GPR37L1: variants seen among roughly 807,000 people sequenced by gnomAD.
The protein encoded by GPR37L1 is G protein-coupled receptor 37 like 1, also known as G protein-coupled receptor 37-like 1.
GPR37L1 carries 18 observed loss-of-function variants against 18.0 expected under a neutral mutation model. The observed-to-expected ratio is 1.00, with a 90% confidence interval of 0.69 to 1.49. GPR37L1 has a LOEUF of 1.49. Ranked by LOEUF, GPR37L1 falls within the 40% of genes most tolerant of loss-of-function variation. The probability of loss-of-function intolerance (pLI) is 0.00; values close to 1 mark genes in which losing one functional copy is unlikely to be tolerated. For synonymous variants in GPR37L1, 256 were observed against 273.9 expected, an observed-to-expected ratio of 0.93 and a Z score of 0.65; for missense variants, 558 against 615.1, an observed-to-expected ratio of 0.91 and a Z score of 0.98.
At position 202,128,542 on chromosome 1, in the gene GPR37L1, G is replaced by T; in HGVS notation, c.1432G>T (p.Gly478Cys). The change falls in exon 2 of 2, where the codon GGC (glycine) becomes TGC (cysteine). Residue 478 changes from glycine (G) to cysteine (C), a missense_variant. By Grantham distance (159) the Gly-to-Cys change is radical. Coordinates refer to ENST00000367282, the MANE Select transcript of GPR37L1 (RefSeq NM_004767.5). ...GGAGTCACCCCCACTCCTGCCCCTG[G>T]GCACACCTTGCTGAGGCCCCAGTAG... ...PRESPPLLPL[G>C]TPC The T allele has an allele frequency of 6.4e-7, 1 of 1,566,986 alleles. No homozygotes were observed. Among genetic ancestry groups the T allele is most frequent in the Non-Finnish European group, 8.7e-7 (1 of 1,154,214 alleles).
chr1:202,127,033 G>A (rs1654681580), intron 1 of GPR37L1, among the ~76,000 whole-genome samples: 1 of 152,114 alleles, frequency 6.6e-6, no homozygotes, highest in Non-Finnish European at 1.5e-5. Context: ...GGGTCTATGG[G>A]AGCCAGGCCA....
chr1:202,128,270 C>T lies in GPR37L1; in HGVS notation c.1160C>T (p.Thr387Ile), dbSNP rs770461543. The T allele has an allele frequency of 1.2e-6, 2 of 1,614,100 alleles. No homozygotes were observed. Among genetic ancestry groups the T allele is most frequent in the Admixed American group, 1.7e-5 (1 of 60,026 alleles). Residue 387 changes from threonine (T) to isoleucine (I), a missense_variant, in exon 2 of 2, where the codon ACC becomes ATC. By Grantham distance (89) the Thr-to-Ile change is moderately conservative. Coordinates refer to ENST00000367282, the MANE Select transcript of GPR37L1 (RefSeq NM_004767.5). The stretch of plus-strand genomic sequence containing the variant: ...AACATCGTGGTGGCCTACCTCTCCA[C>T]CGAGCTGACCCGCCAGACCCTGGAC... Reference protein sequence around the residue: ...VCNIVVAYLSTELTRQTLDLL... With the variant: ...VCNIVVAYLSIELTRQTLDLL...
chr1:202,123,618 C>T, intron 1 of GPR37L1, 25 bp downstream of exon 1: 1 of 1,534,692 alleles, frequency 6.5e-7, no homozygotes, highest in Non-Finnish European at 8.7e-7. Context: ...TGTTTGAGCT[C>T]TGCTGGGAGG....
rs567590167 is a variant in GPR37L1, at chr1:202,127,893, G to T, written c.783G>T (p.Thr261=). 1 of 1,613,624 alleles carries T rather than the reference G, an allele frequency of 6.2e-7. No individual in the cohort carries two copies. Among genetic ancestry groups the T allele is most frequent in the Non-Finnish European group, 8.5e-7 (1 of 1,179,974 alleles). The change falls in exon 2 of 2, where the codon ACG becomes ACT. Residue 261 remains threonine (T), a synonymous_variant. Coordinates refer to ENST00000367282, the MANE Select transcript of GPR37L1 (RefSeq NM_004767.5). ...KLAVIWVGSM[T]LAVPELLLWQ... ...CTGTCATCTGGGTGGGCTCCATGAC[G>T]CTGGCTGTGCCTGAGCTCCTGCTGT...
Position 202,123,307 on chromosome 1 carries a change from A to G in GPR37L1, c.344A>G (p.Gln115Arg), listed in dbSNP as rs1393664714. The change falls in exon 1 of 2, where the codon CAG becomes CGG. Residue 115 changes from glutamine (Q) to arginine (R), a missense_variant. By Grantham distance (43) the Gln-to-Arg change is conservative. Coordinates refer to ENST00000367282, the MANE Select transcript of GPR37L1 (RefSeq NM_004767.5). The part of the protein sequence containing the change: ...NLTGAPGQRL[Q>R]IQNPLYPVTE... ...ACAGGAGCACCAGGGCAGAGGCTAC[A>G]GATCCAGAACCCCCTGTATCCGGTG... The G allele has an allele frequency of 6.2e-7, 1 of 1,614,086 alleles. No individual in the cohort carries two copies. The highest frequency in any genetic ancestry group is 1.3e-5 in the African/African-American group (1 of 74,932).
rs1654762637 is a variant in GPR37L1 at position 202,129,075 on chromosome 1, G to A, written c.*519G>A. 7.1e-6 allele frequency: 1 copy of A among 140,146 alleles called. No homozygotes were observed. Among genetic ancestry groups the A allele is most frequent in the African/African-American group, 2.7e-5 (1 of 37,172 alleles). 8.7% of individuals were successfully genotyped at this position (140,146 alleles called of 1,614,324 possible). A position where few individuals can be genotyped will look rare whatever the true frequency, so the allele number is the denominator to read the frequency against. ...CCAGGCTGGAGTACATTTGCCTGAT[G>A]TCAGCTCCCTGCAACCTCCGCCTCC... On this transcript the variant is annotated 3_prime_UTR_variant, in exon 2 of 2. Transcript: ENST00000367282.
chr1:202,125,114 AAGATTGCGCAGCCTGGGTGAC>A (rs144009648), intron 1 of GPR37L1, among the ~76,000 whole-genome samples: 8,095 of 145,956 alleles, frequency 0.055, 375 homozygotes, highest in African/African-American at 0.12. Flanking sequence ...GCAGTGAGCC[AAGATTGCGCAGCCTGGGTGAC>A]AGAGTGAAAT....
At position 202,128,065 on chromosome 1, in the gene GPR37L1, TG is replaced by T. The variant is rs1558302376; in HGVS notation, c.956del (p.Cys319SerfsTer13). ...RMWWYFGCYF[C>X]LPILFTVTCQ... ...GTGGTGGTACTTTGGCTGCTACTTCTGCCTGCCCATCCTCTTCACAGTCACC... is the reference window on the plus strand; with the variant it reads ...GTGGTGGTACTTTGGCTGCTACTTCTCCTGCCCATCCTCTTCACAGTCACC... On this transcript the variant is annotated frameshift_variant, in exon 2 of 2. Transcript: ENST00000367282. LOFTEE classifies it low-confidence loss of function (END_TRUNC). 3.1e-6 allele frequency: 5 copies of T among 1,614,064 alleles called. No individual in the cohort carries two copies. Among genetic ancestry groups the T allele is most frequent in the Non-Finnish European group, 4.2e-6 (5 of 1,180,028 alleles).
chr1:202,124,087 C>G (rs138737556), intron 1 of GPR37L1, among the ~76,000 whole-genome samples: 2,833 of 152,312 alleles, frequency 0.019, 96 homozygotes, highest in African/African-American at 0.065. Flanking sequence ...TTCCTTCACA[C>G]CCCTCTGGAT....
At position 202,123,515 on chromosome 1, in the gene GPR37L1, C is replaced by T. The variant is rs1654566646; in HGVS notation, c.552C>T (p.Leu184=). ...LWDFLVLFFC[L]PIVIFNEITK... is the part of the protein sequence containing the mutation. ...ATTTTCTGGTCCTCTTTTTCTGCCT[C>T]CCTATTGTCATCTTCAACGAGATCA... Residue 184 remains leucine, a synonymous_variant, in exon 1 of 2, where the codon CTC becomes CTT. Transcript: ENST00000367282. The T allele has an allele frequency of 6.2e-7, 1 of 1,613,618 alleles. No homozygotes were observed. Among genetic ancestry groups the T allele is most frequent in the Admixed American group, 1.7e-5 (1 of 59,946 alleles).
chr1:202,128,279 C>T lies in GPR37L1; in HGVS notation c.1169C>T (p.Thr390Ile), dbSNP rs377493703. The change falls in exon 2 of 2, where the codon ACC (threonine) becomes ATC (isoleucine). Residue 390 changes from threonine (T) to isoleucine (I), a missense_variant. Coordinates refer to ENST00000367282, the MANE Select transcript of GPR37L1 (RefSeq NM_004767.5). ...IVVAYLSTEL[T>I]RQTLDLLGLI... ...GTGGCCTACCTCTCCACCGAGCTGA[C>T]CCGCCAGACCCTGGACCTCCTGGGC... is the stretch of plus-strand genomic sequence containing the variant. The T allele has an allele frequency of 7.4e-6, 12 of 1,614,010 alleles. No homozygotes were observed. The highest frequency in any genetic ancestry group is 9.3e-6 in the Non-Finnish European group (11 of 1,180,046).
At position 202,123,169 on chromosome 1, in the gene GPR37L1, G is replaced by A. The variant is rs552502015; in HGVS notation, c.206G>A (p.Arg69Gln). Residue 69 changes from arginine to glutamine, a missense_variant, in exon 1 of 2, where the codon CGG (arginine) becomes CAG (glutamine). Coordinates refer to ENST00000367282, the MANE Select transcript of GPR37L1 (RefSeq NM_004767.5). ...YVPEEWAEYP[R>Q]PIHPAGLQPT... is the part of the protein sequence containing the mutation. ...CCTGAGGAGTGGGCGGAGTACCCCC[G>A]GCCCATTCACCCTGCTGGCCTGCAG... is the stretch of plus-strand genomic sequence containing the variant. The A allele has an allele frequency of 2.1e-5, 34 of 1,613,332 alleles. No homozygotes were observed. Among genetic ancestry groups the A allele is most frequent in the Middle Eastern group, 3.3e-4 (2 of 6,046 alleles).
In GPR37L1 at chr1:202,128,070, G is replaced by A. The variant is rs1181264120; in HGVS notation, c.960G>A (p.Leu320=). 7 of 1,614,062 alleles carry A rather than the reference G, an allele frequency of 4.3e-6. No homozygotes were observed. The highest frequency in any genetic ancestry group is 5.9e-6 in the Non-Finnish European group (7 of 1,180,032). The change falls in exon 2 of 2, where the codon CTG becomes CTA. Residue 320 remains leucine, a synonymous_variant. Transcript: ENST00000367282. ...MWWYFGCYFC[L]PILFTVTCQL... is the part of the protein sequence containing the mutation. The stretch of plus-strand genomic sequence containing the variant: ...GGTACTTTGGCTGCTACTTCTGCCT[G>A]CCCATCCTCTTCACAGTCACCTGCC...
intron 1 of GPR37L1, among the ~76,000 whole-genome samples, chr1:202,126,302 GGAGGCT>G (rs1237195651): frequency 1.3e-5 from 2 of 152,086 alleles, no homozygotes; most frequent in Non-Finnish European, 2.9e-5. Context: ...CAGCTACTCG[GGAGGCT>G]GAGGCAGGAG....
intron 1 of GPR37L1, among the ~76,000 whole-genome samples, chr1:202,124,258 T>TG (rs1332261992): frequency 6.6e-6 from 1 of 152,164 alleles, no homozygotes; most frequent in Non-Finnish European, 1.5e-5. Context: ...CTGGAACTAA[T>TG]GGGGGGCTCT....
rs1223495972 is a variant in GPR37L1, at chr1:202,132,154, A to C, written c.*3598A>C. On this transcript the variant is annotated 3_prime_UTR_variant, in exon 2 of 2. Coordinates refer to ENST00000367282, the MANE Select transcript of GPR37L1 (RefSeq NM_004767.5). ...AACCTCAATCCTCAGTGAGGATCAC[A>C]GGATCTGAGAAAGGCACCTTGGCCT... 1.3e-5 allele frequency: 2 copies of C among 152,218 alleles called. No homozygotes were observed. The highest frequency in any genetic ancestry group is 1.3e-4 in the Admixed American group (2 of 15,274). The allele number at this position is 152,218 out of a possible 1,614,324, so 9.4% of individuals were successfully genotyped here.
rs773413931 is a variant in GPR37L1, at chr1:202,128,375, C to T, written c.1265C>T (p.Pro422Leu). 3.5e-5 allele frequency: 57 copies of T among 1,614,072 alleles called. No individual in the cohort carries two copies. The highest frequency in any genetic ancestry group is 2.3e-4 in the South Asian group (21 of 91,086). ...TPVLLLCICRPLGQAFLDCCC... is the reference protein window; with the variant it reads ...TPVLLLCICRLLGQAFLDCCC... The stretch of plus-strand genomic sequence containing the variant: ...GTGCTGCTCCTTTGCATCTGCAGGC[C>T]GCTGGGCCAGGCCTTCCTGGACTGC... The change falls in exon 2 of 2, where the codon CCG (proline) becomes CTG (leucine). Residue 422 changes from proline (P) to leucine (L), a missense_variant. Physicochemically the swap from Pro to Leu is moderately conservative, Grantham distance 98. Transcript: ENST00000367282.
rs1044156843 is a variant in GPR37L1, at chr1:202,133,293, G to C, written c.*4737G>C. ...GTGCTCCCCGGGCGGGCATGTGCTCGCGCTCCGTGGCTCTGTTGGTGCCCA... is the reference window on the plus strand; with the variant it reads ...GTGCTCCCCGGGCGGGCATGTGCTCCCGCTCCGTGGCTCTGTTGGTGCCCA... On this transcript the variant is annotated 3_prime_UTR_variant, in exon 2 of 2. Transcript: ENST00000367282. The C allele has an allele frequency of 3.3e-5, 5 of 152,284 alleles. No individual in the cohort carries two copies. 9.4% of individuals were successfully genotyped at this position (152,284 alleles called of 1,614,324 possible).
At chr1:202,125,776 C>T (rs570420140) in intron 1 of GPR37L1, among the ~76,000 whole-genome samples, 26 of 152,260 alleles carry the variant, frequency 1.7e-4, no homozygotes, top group African/African-American at 6.0e-4. Flanking sequence ...GAGTGGAATG[C>T]CGTGGTGTAA....
Sources: allele counts gnomAD v4.1 joint callset (sites outside exome capture counted in the v4.1 genomes callset), GRCh38; gene constraint gnomAD v4.1.1; transcripts MANE v1.5; gene names NCBI Gene and HGNC (gene_info 2026-07-23, HGNC 2026-07-21).